Variants in RASA3 observed in about 807,000 individuals in gnomAD.
RASA3 encodes the protein ras GTPase-activating protein 3.
Under a neutral mutation model 110.0 loss-of-function variants are expected in RASA3, and 73 were observed. The ratio of observed to expected loss-of-function variants is 0.66; its 90% CI spans 0.55 to 0.81. The LOEUF is 0.81. RASA3 is among the 30% of genes least tolerant of loss of function. RASA3 has a pLI of 0.00. For missense variants in RASA3, 976 were observed against 1,113.2 expected (o/e 0.88, Z 1.75); for synonymous variants, 500 against 451.4 (o/e 1.11, Z -1.37).
At chr13:114,020,343 G>A (rs561213473) in intron 9 of RASA3, among the ~76,000 whole-genome samples, 99 of 152,344 alleles carry the variant, frequency 6.5e-4, no homozygotes, top group African/African-American at 2.1e-3. Context: ...GCCTGTGTGC[G>A]AGGCATTAGC....
intron 2 of RASA3, among the ~76,000 whole-genome samples, chr13:114,061,687 A>AAG (rs1555337793): frequency 6.6e-6 from 1 of 151,828 alleles, no homozygotes; most frequent in Non-Finnish European, 1.5e-5. Context: ...AAAAAAAAAA[A>AAG]AAAAAGAAAA....
chr13:114,078,866 C>G (rs1227780813), intron 1 of RASA3, among the ~76,000 whole-genome samples: 1 of 152,228 alleles, frequency 6.6e-6, no homozygotes, highest in Non-Finnish European at 1.5e-5. Context: ...TGACAGCGAG[C>G]TGTCGGGGCT....
chr13:114,013,385 CTCCCTCTCTCTGTT>C (rs998621740), intron 14 of RASA3, 137 bp from the exon 15 acceptor site: 4 of 604,352 alleles, frequency 6.6e-6, no homozygotes, highest in East Asian at 5.8e-5. Context: ...GTCTGTCTCT[CTCCCTCTCTCTGTT>C]TCCCTCTCTC....
At chr13:114,041,674 T>C (rs2054410848) in intron 3 of RASA3, among the ~76,000 whole-genome samples, 1 of 152,250 alleles carries the variant, frequency 6.6e-6, no homozygotes, top group South Asian at 2.1e-4. Context: ...CACGTGTGCC[T>C]AGGGTGCTTT....
At chr13:114,093,149 G>A (rs2079906634) in intron 1 of RASA3, among the ~76,000 whole-genome samples, 1 of 152,142 alleles carries the variant, frequency 6.6e-6, no homozygotes, top group Non-Finnish European at 1.5e-5. Flanking sequence ...AGATAGAAGT[G>A]GTTTACACAC....
chr13:114,122,038 C>T (rs758371868), intron 1 of RASA3, among the ~76,000 whole-genome samples: 3 of 152,238 alleles, frequency 2.0e-5, no homozygotes, highest in Non-Finnish European at 4.4e-5. Context: ...GTGGGGCCCA[C>T]CGCAAATCCC....
At chr13:114,093,730 T>G (rs930893295) in intron 1 of RASA3, among the ~76,000 whole-genome samples, 5 of 152,146 alleles carry the variant, frequency 3.3e-5, no homozygotes, top group Admixed American at 2.6e-4. Context: ...TTGTAAGCTT[T>G]CTTCATTTCT....
chr13:114,095,254 G>A (rs1219926853), intron 1 of RASA3, among the ~76,000 whole-genome samples: 1 of 152,120 alleles, frequency 6.6e-6, no homozygotes, highest in South Asian at 2.1e-4. Flanking sequence ...TTATTGAGAT[G>A]TAATTCACAT....
chr13:114,025,784 A>T (rs2054014389), intron 7 of RASA3, among the ~76,000 whole-genome samples: 1 of 152,188 alleles, frequency 6.6e-6, no homozygotes, highest in Non-Finnish European at 1.5e-5. Context: ...TCCCATAGAA[A>T]CGGAACATCT....
intron 1 of RASA3, among the ~76,000 whole-genome samples, chr13:114,088,270 A>C (rs1281705881): frequency 6.6e-6 from 1 of 152,228 alleles, no homozygotes; most frequent in Non-Finnish European, 1.5e-5. Context: ...AGACTTAAAA[A>C]ATTCTGCTGT....
chr13:114,013,846 A>G (rs1458054956), intron 14 of RASA3, among the ~76,000 whole-genome samples: 3 of 57,962 alleles, frequency 5.2e-5, no homozygotes. Context: ...CTCTCTCTCC[A>G]TCTCTCTGTC....
At position 114,014,523 on chromosome 13, in the gene RASA3, G is replaced by C. The variant is rs2053746009; in HGVS notation, c.1405+686C>G. On this transcript the variant is annotated intron_variant, in intron 14 of 23. Coordinates refer to ENST00000334062, the MANE Select transcript of RASA3 (RefSeq NM_007368.4). The surrounding 1 kb of genome is among the most constrained non-coding windows in gnomAD (Gnocchi z 4.5). ...CACGCAAGGAAGAGAGGAGCCGGCA[G>C]CAAGGCCCTCGCTGAGCCTCTCAGC... Among the ~76,000 whole-genome samples the C allele has an allele frequency of 6.6e-6, 1 of 152,204 alleles. No homozygotes were observed. Among genetic ancestry groups the C allele is most frequent in the Admixed American group, 6.5e-5 (1 of 15,292 alleles).
chr13:114,104,196 C>A (rs1224629746), intron 1 of RASA3, among the ~76,000 whole-genome samples: 3 of 80,834 alleles, frequency 3.7e-5, no homozygotes, highest in Non-Finnish European at 7.1e-5. Flanking sequence ...ACACCCACCC[C>A]CGATGCGTCC....
intron 1 of RASA3, among the ~76,000 whole-genome samples, chr13:114,095,591 G>A (rs1016526009): frequency 2.7e-4 from 41 of 152,084 alleles, no homozygotes; most frequent in African/African-American, 9.2e-4. Flanking sequence ...GCTGATTAAT[G>A]GAGACTTGTT....
At chr13:114,123,169 C>A (rs1168213103) in intron 1 of RASA3, among the ~76,000 whole-genome samples, 1 of 152,218 alleles carries the variant, frequency 6.6e-6, no homozygotes, top group African/African-American at 2.4e-5. Flanking sequence ...ACAGTCACCA[C>A]CGGACGCCGA....
chr13:114,080,113 C>G (rs1388384745), intron 1 of RASA3, among the ~76,000 whole-genome samples: 1 of 152,228 alleles, frequency 6.6e-6, no homozygotes, highest in Admixed American at 6.5e-5. Flanking sequence ...TATCCTCACG[C>G]TCAGGAGGGG....
chr13:114,019,417 C>T (rs535603004), intron 9 of RASA3, among the ~76,000 whole-genome samples: 20 of 152,356 alleles, frequency 1.3e-4, no homozygotes, highest in African/African-American at 4.6e-4. Context: ...TTCTACCCCA[C>T]GCAGTCACCC....
At position 113,995,241 on chromosome 13, in the gene RASA3, G is replaced by A. The variant is rs1308846148; in HGVS notation, c.2141+1290C>T. On this transcript the variant is annotated intron_variant, in intron 21 of 23. Transcript: ENST00000334062. The stretch of plus-strand genomic sequence containing the variant: ...TTTTCTCTCCTCGTCAGGCTGCAAT[G>A]CTTCCCGCTGTCCTGGGATGCGAGG... Among the ~76,000 whole-genome samples, 4 of 152,360 alleles carry A rather than the reference G, an allele frequency of 2.6e-5. No individual in the cohort carries two copies. The East Asian group carries it at 7.7e-4, about 29-fold the overall frequency.
At position 114,052,124 on chromosome 13, in the gene RASA3, T is replaced by C; in HGVS notation, c.205A>G (p.Ile69Val). 1 of 1,613,346 alleles carries C rather than the reference T, an allele frequency of 6.2e-7. No individual in the cohort carries two copies. Among genetic ancestry groups the C allele is most frequent in the Non-Finnish European group, 8.5e-7 (1 of 1,179,672 alleles). The change falls in exon 3 of 24, where the codon ATT becomes GTT. Residue 69 changes from isoleucine (I) to valine (V), a missense_variant. Transcript: ENST00000334062. The stretch of plus-strand genomic sequence containing the variant: ...GACAGGTGACGAAAGCTCCGAGGAA[T>C]TTCACAGTAAAAGTCTTCTCCGTAA... ...PFYGEDFYCE[I>V]PRSFRHLSFY...
Sources: allele counts gnomAD v4.1 joint callset (sites outside exome capture counted in the v4.1 genomes callset), GRCh38; gene constraint gnomAD v4.1.1; non-coding constraint Gnocchi (gnomAD v3.1); transcripts MANE v1.5; gene names NCBI Gene and HGNC (gene_info 2026-07-23, HGNC 2026-07-21).